DNAH5: variants seen among roughly 807,000 people sequenced by gnomAD.
The protein encoded by DNAH5 is dynein axonemal heavy chain 5, also known as axonemal beta dynein heavy chain 5.
In DNAH5, 372 loss-of-function variants were observed where a neutral mutation model predicts 518.2. The observed-to-expected ratio is 0.72, with a 90% CI of 0.66 to 0.78. The LOEUF (loss-of-function observed/expected upper bound fraction) is 0.78, where lower values mean the gene tolerates loss of function less well. Ranked by LOEUF, DNAH5 falls within the 30% of genes least tolerant of loss-of-function variation. The pLI, the probability that DNAH5 is intolerant of heterozygous loss-of-function variation, is 0.00. For missense variants in DNAH5, 5,523 were observed against 5,687.0 expected, an observed-to-expected ratio of 0.97 and a Z score of 0.93; for synonymous variants, 2,039 against 2,025.9, an observed-to-expected ratio of 1.01 and a Z score of -0.17.
intron 51 of DNAH5, 118 bp from the exon 52 acceptor site, chr5:13,786,469 A>G: frequency 9.3e-7 from 1 of 1,080,582 alleles, no homozygotes; most frequent in East Asian, 2.5e-5. Flanking sequence ...TTTTAAGCTA[A>G]ATGCCATAGT....
At chr5:13,974,148 T>C (rs1427042379) in intron 1 of DNAH5, among the ~76,000 whole-genome samples, 1 of 151,208 alleles carries the variant, frequency 6.6e-6, no homozygotes, top group African/African-American at 2.4e-5. Context: ...CTTTTCTTTT[T>C]TTTTTTAGAC....
chr5:13,949,727 G>A (rs1780229889), intron 1 of DNAH5, among the ~76,000 whole-genome samples: 2 of 152,250 alleles, frequency 1.3e-5, no homozygotes, highest in African/African-American at 2.4e-5. Flanking sequence ...CATGTAGAAA[G>A]TGTAAGAATT....
At chr5:13,743,782 G>A (rs1235708560) in intron 65 of DNAH5, among the ~76,000 whole-genome samples, 1 of 152,038 alleles carries the variant, frequency 6.6e-6, no homozygotes, top group Non-Finnish European at 1.5e-5. Flanking sequence ...AGCTGGGTTG[G>A]CGATTATCAA....
At chr5:13,744,935 T>G (rs1038455607) in intron 65 of DNAH5, among the ~76,000 whole-genome samples, 4 of 152,062 alleles carry the variant, frequency 2.6e-5, no homozygotes, top group Non-Finnish European at 4.4e-5. Context: ...GAGATTTCTT[T>G]TTCCCCCACC....
chr5:13,701,640 A>T (rs879798881), intron 76 of DNAH5, among the ~76,000 whole-genome samples: 1 of 152,234 alleles, frequency 6.6e-6, no homozygotes, highest in Non-Finnish European at 1.5e-5. Flanking sequence ...TGCTACTAAG[A>T]TATGATAGAA....
intron 65 of DNAH5, among the ~76,000 whole-genome samples, chr5:13,740,286 C>G (rs755824169): frequency 6.6e-6 from 1 of 151,970 alleles, no homozygotes; most frequent in African/African-American, 2.4e-5. Context: ...CTACCCCAGC[C>G]TTACCCCCTG....
At chr5:13,904,756 C>T (rs925637330) in intron 12 of DNAH5, among the ~76,000 whole-genome samples, 2 of 151,882 alleles carry the variant, frequency 1.3e-5, no homozygotes, top group Admixed American at 1.3e-4. Flanking sequence ...TCAAAAAATA[C>T]AAAAATTAGC....
chr5:13,840,890 T>C lies in DNAH5; in HGVS notation c.5709+16A>G. On this transcript the variant is annotated intron_variant, in intron 34 of 78. Transcript: ENST00000265104. ...TTGTTTTTCTCTACATGCCACAGCATTTATAAAGAATTTACCAGGTCATCA... is the reference window on the plus strand; with the variant it reads ...TTGTTTTTCTCTACATGCCACAGCACTTATAAAGAATTTACCAGGTCATCA... The C allele has an allele frequency of 1.2e-6, 2 of 1,607,444 alleles. No individual in the cohort carries two copies. The highest frequency in any genetic ancestry group is 1.7e-6 in the Non-Finnish European group (2 of 1,173,926).
chr5:13,989,062 GC>G (rs1459208441), intron 1 of DNAH5, among the ~76,000 whole-genome samples: 1 of 152,094 alleles, frequency 6.6e-6, no homozygotes, highest in African/African-American at 2.4e-5. Context: ...CTGAAATGCA[GC>G]CCGGGGAGAG....
chr5:13,798,858 C>T (rs1449014980), intron 47 of DNAH5, among the ~76,000 whole-genome samples: 1 of 151,618 alleles, frequency 6.6e-6, no homozygotes, highest in African/African-American at 2.4e-5. Context: ...CCTTTGCCTC[C>T]CGGGTTCAAG....
At position 13,770,412 on chromosome 5, in the gene DNAH5, T is replaced by C. The variant is rs545726579; in HGVS notation, c.9605+337A>G. On this transcript the variant is annotated intron_variant, in intron 56 of 78. Coordinates refer to ENST00000265104, the MANE Select transcript of DNAH5 (RefSeq NM_001369.3). ...ATTTCTATCCTGATGTCAATCAATA[T>C]TATAGAACGCAGTAGGCCACATAAA... 2.6e-5 allele frequency among the ~76,000 whole-genome samples: 4 copies of C among 152,244 alleles called. No individual in the cohort carries two copies. The South Asian group carries it at 8.3e-4, about 32-fold the overall frequency.
At chr5:13,950,648 G>T (rs1014674120) in intron 1 of DNAH5, among the ~76,000 whole-genome samples, 5 of 152,190 alleles carry the variant, frequency 3.3e-5, no homozygotes, top group Admixed American at 6.5e-5. Context: ...AAGCTCATGG[G>T]TTGTGAATGA....
At chr5:13,810,540 A>G (rs1760492189) in intron 44 of DNAH5, 2 of 339,256 alleles carry the variant, frequency 5.9e-6, no homozygotes, top group South Asian at 4.5e-5. Context: ...GGAGCTCGAG[A>G]CCATCCTGGC....
At chr5:13,789,266 TAA>T (rs1460861176) in intron 50 of DNAH5, among the ~76,000 whole-genome samples, 1 of 152,140 alleles carries the variant, frequency 6.6e-6, no homozygotes, top group East Asian at 1.9e-4. Flanking sequence ...GAGTATAACA[TAA>T]GATACAGAAT....
intron 1 of DNAH5, 133 bp downstream of exon 1, chr5:13,944,249 A>G (rs1195446661): frequency 2.3e-6 from 2 of 873,626 alleles, no homozygotes; most frequent in Non-Finnish European, 3.8e-6. Context: ...GGTGAACATT[A>G]GTTAAAAAAT....
intron 1 of DNAH5, among the ~76,000 whole-genome samples, chr5:14,006,699 A>G (rs1784744005): frequency 6.6e-6 from 1 of 152,226 alleles, no homozygotes; most frequent in Admixed American, 6.5e-5. Context: ...AATTTAGCCC[A>G]TAACACATAG....
At chr5:13,739,686 A>C (rs1748137983) in intron 65 of DNAH5, among the ~76,000 whole-genome samples, 1 of 152,106 alleles carries the variant, frequency 6.6e-6, no homozygotes, top group Non-Finnish European at 1.5e-5. Context: ...TACACAATTT[A>C]CCTTTGTTAT....
At chr5:13,938,865 A>C (rs549180043) in intron 1 of DNAH5, among the ~76,000 whole-genome samples, 2 of 152,236 alleles carry the variant, frequency 1.3e-5, no homozygotes, top group Admixed American at 6.5e-5. Flanking sequence ...ACTTCACTTT[A>C]TTTCATCTTC....
chr5:13,729,236 T>C (rs1252480550), intron 69 of DNAH5, among the ~76,000 whole-genome samples: 1 of 152,234 alleles, frequency 6.6e-6, no homozygotes, highest in African/African-American at 2.4e-5. Flanking sequence ...TGGGCACATT[T>C]CTACCTGCAA....
Sources: gnomAD v4.1 joint callset for allele counts (sites outside exome capture counted in the v4.1 genomes callset) on GRCh38, gnomAD v4.1.1 for gene constraint, MANE v1.5 for transcripts, NCBI Gene and HGNC (gene_info 2026-07-23, HGNC 2026-07-21) for gene names.